FAM168A: variants seen among roughly 807,000 people sequenced by gnomAD.
FAM168A encodes the protein family with sequence similarity 168 member A.
A neutral mutation model predicts 28.5 loss-of-function variants in FAM168A; 3 were observed. That is an observed-to-expected ratio of 0.11 (90% CI 0.05 to 0.27). The LOEUF is 0.27. Among genes scored for constraint, FAM168A ranks in the 10% least tolerant of loss-of-function variants. The probability of loss-of-function intolerance (pLI) is 1.00; values close to 1 mark genes in which losing one functional copy is unlikely to be tolerated. For synonymous variants in FAM168A, 122 were observed against 124.2 expected (o/e 0.98, Z 0.12); for missense variants, 222 against 311.5 (o/e 0.71, Z 2.16).
At chr11:73,419,052 C>T (rs893264133) in intron 4 of FAM168A, among the ~76,000 whole-genome samples, 2 of 152,100 alleles carry the variant, frequency 1.3e-5, no homozygotes, top group African/African-American at 2.4e-5. Context: ...CCTCGTGATC[C>T]GCCCACCTTG....
intron 1 of FAM168A, among the ~76,000 whole-genome samples, chr11:73,512,185 C>A (rs1855239812): frequency 6.6e-6 from 1 of 152,108 alleles, no homozygotes; most frequent in Admixed American, 6.5e-5. Flanking sequence ...AAATGCATAA[C>A]AACAAACACA....
intron 2 of FAM168A, among the ~76,000 whole-genome samples, chr11:73,448,646 T>G (rs1473408919): frequency 2.0e-5 from 3 of 152,130 alleles, no homozygotes; most frequent in East Asian, 1.9e-4. Flanking sequence ...ACCAATGAGA[T>G]GTACACAGAA....
At chr11:73,409,344 A>G in intron 6 of FAM168A, 143 bp downstream of exon 6, 1 of 1,012,160 alleles carries the variant, frequency 9.9e-7, no homozygotes, top group East Asian at 2.6e-5. Context: ...AGACAGATTT[A>G]GAGGCTCCTT....
At chr11:73,518,674 G>T (rs986245261) in intron 1 of FAM168A, among the ~76,000 whole-genome samples, 3 of 152,040 alleles carry the variant, frequency 2.0e-5, no homozygotes, top group Non-Finnish European at 4.4e-5. Flanking sequence ...GAGGCGGGTG[G>T]ATCACGAGGT....
chr11:73,564,166 T>G (rs1486096949), intron 1 of FAM168A, among the ~76,000 whole-genome samples: 1 of 152,206 alleles, frequency 6.6e-6, no homozygotes, highest in African/African-American at 2.4e-5. Context: ...CATTTACCCC[T>G]AAACCAATCA....
At chr11:73,425,795 CA>C (rs1344748902) in intron 3 of FAM168A, among the ~76,000 whole-genome samples, 1 of 152,222 alleles carries the variant, frequency 6.6e-6, no homozygotes, top group Non-Finnish European at 1.5e-5. Flanking sequence ...CCATGTTGCC[CA>C]GGCTGGTCTT....
intron 1 of FAM168A, among the ~76,000 whole-genome samples, chr11:73,523,999 A>G (rs1335738278): frequency 6.6e-6 from 1 of 151,938 alleles, no homozygotes; most frequent in Non-Finnish European, 1.5e-5. Flanking sequence ...AAGCACTGGT[A>G]TAGGTAGGAG....
chr11:73,477,938 T>C (rs1393748694), intron 1 of FAM168A, among the ~76,000 whole-genome samples: 7 of 145,886 alleles, frequency 4.8e-5, no homozygotes, highest in Admixed American at 3.0e-4. Flanking sequence ...GATAGATAGA[T>C]AGATAGATAG....
chr11:73,550,432 A>T (rs111686159), intron 1 of FAM168A, among the ~76,000 whole-genome samples: 42 of 152,060 alleles, frequency 2.8e-4, no homozygotes, highest in African/African-American at 9.9e-4. Context: ...AGGCAGGCAG[A>T]CTGCTGGAGC....
intron 2 of FAM168A, among the ~76,000 whole-genome samples, chr11:73,459,234 C>A (rs1867598004): frequency 6.6e-6 from 1 of 152,102 alleles, no homozygotes; most frequent in Non-Finnish European, 1.5e-5. Context: ...CAGGCATGTG[C>A]CACCATGTCC....
chr11:73,415,600 T>C (rs2134488606), intron 4 of FAM168A, among the ~76,000 whole-genome samples: 1 of 152,346 alleles, frequency 6.6e-6, no homozygotes, highest in South Asian at 2.1e-4. Context: ...GAGGAAATCA[T>C]TTCAGAGGAC....
intron 2 of FAM168A, among the ~76,000 whole-genome samples, chr11:73,462,730 G>T (rs541385652): frequency 6.6e-6 from 1 of 152,136 alleles, no homozygotes. Context: ...ACAAAAAGTA[G>T]CCAGGCATAG....
chr11:73,567,352 G>A (rs1364510666), intron 1 of FAM168A, among the ~76,000 whole-genome samples: 4 of 152,078 alleles, frequency 2.6e-5, no homozygotes, highest in African/African-American at 4.8e-5. Flanking sequence ...TAACGAGTTC[G>A]GTTTTGAGCC....
chr11:73,460,498 G>GTTTTTT (rs1565255375), intron 2 of FAM168A, among the ~76,000 whole-genome samples: 1 of 136,068 alleles, frequency 7.3e-6, no homozygotes, highest in African/African-American at 2.8e-5. Flanking sequence ...GGCTACTAAT[G>GTTTTTT]CTTTTTTTTT....
intron 1 of FAM168A, among the ~76,000 whole-genome samples, chr11:73,555,475 C>T (rs936079150): frequency 6.6e-6 from 1 of 151,952 alleles, no homozygotes; most frequent in East Asian, 1.9e-4. Flanking sequence ...GAGGTCGAGG[C>T]GGGTGGATCT....
rs1866608794 is a variant in FAM168A at position 73,411,462 on chromosome 11, G to A, written c.352C>T (p.Pro118Ser). 6.2e-7 allele frequency: 1 copy of A among 1,613,688 alleles called. No homozygotes were observed. ...NTAPPPYSPSPNPYQTAMYPI... is the reference protein window; with the variant it reads ...NTAPPPYSPSSNPYQTAMYPI... ...TACATGGCCGTCTGATAGGGGTTGG[G>A]TGATGGGGAGTAGGGGGGTGGAGCA... The change falls in exon 5 of 8, where the codon CCC (proline) becomes TCC (serine). Residue 118 changes from proline to serine, a missense_variant. Physicochemically the swap from Pro to Ser is moderately conservative, Grantham distance 74. Around this residue, in one of 3 missense-constraint regions of FAM168A, gnomAD observed 153 missense variants for 189.2 expected, o/e 0.81. Transcript: ENST00000356467.
intron 1 of FAM168A, among the ~76,000 whole-genome samples, chr11:73,531,185 C>G (rs563718032): frequency 8.5e-5 from 13 of 152,292 alleles, no homozygotes; most frequent in African/African-American, 1.7e-4. Context: ...ACTCCCCAAT[C>G]TGAAAGATAC....
intron 2 of FAM168A, among the ~76,000 whole-genome samples, chr11:73,433,674 G>A (rs1867037006): frequency 6.6e-6 from 1 of 151,946 alleles, no homozygotes; most frequent in Admixed American, 6.6e-5. Flanking sequence ...ATATCTTTAT[G>A]ATATTCCGTA....
At chr11:73,412,725 C>T (rs1866635029) in intron 4 of FAM168A, among the ~76,000 whole-genome samples, 1 of 152,166 alleles carries the variant, frequency 6.6e-6, no homozygotes, top group Admixed American at 6.5e-5. Flanking sequence ...GGCTTTGAAG[C>T]CCTGCTGGGG....
Sources: gnomAD v4.1 joint callset for allele counts (sites outside exome capture counted in the v4.1 genomes callset) on GRCh38, gnomAD v4.1.1 for gene constraint, gnomAD v4.1.1 regional missense constraint, MANE v1.5 for transcripts, NCBI Gene and HGNC (gene_info 2026-07-23, HGNC 2026-07-21) for gene names.